DIAPH2: variants seen among roughly 807,000 people sequenced by gnomAD.
DIAPH2 encodes diaphanous related formin 2.
A neutral mutation model predicts 92.7 loss-of-function variants in DIAPH2; 35 were observed. The observed-to-expected ratio is 0.38, with a 90% CI of 0.29 to 0.50. The LOEUF (loss-of-function observed/expected upper bound fraction) is 0.50, where lower values mean the gene tolerates loss of function less well. Among genes scored for constraint, DIAPH2 ranks in the 20% least tolerant of loss-of-function variants. The pLI, the probability that DIAPH2 is intolerant of heterozygous loss-of-function variation, is 0.94. For missense variants in DIAPH2, 701 were observed against 819.5 expected (o/e 0.86, Z 1.77); for synonymous variants, 301 against 280.4 (o/e 1.07, Z -0.73).
chrX:97,327,263 T>C (rs191751641), intron 23 of DIAPH2, among the ~76,000 whole-genome samples: 2 of 109,251 alleles, frequency 1.8e-5, no homozygotes, highest in Non-Finnish European at 3.8e-5. Context: ...CCCGCCCGGC[T>C]AATTTTTGTA....
chrX:97,100,128 A>G (rs1444101895), intron 20 of DIAPH2, among the ~76,000 whole-genome samples: 1 of 110,769 alleles, frequency 9.0e-6, no homozygotes, highest in Non-Finnish European at 1.9e-5. Context: ...TTAGATCTTA[A>G]TGTTAGAATT....
chrX:97,186,816 A>T (rs936157737), intron 22 of DIAPH2, among the ~76,000 whole-genome samples: 1 of 111,920 alleles, frequency 8.9e-6, no homozygotes, highest in African/African-American at 3.2e-5. Flanking sequence ...ACCTATGGAA[A>T]GTGAGGGGCT....
At chrX:97,561,081 A>G (rs1485615777) in intron 26 of DIAPH2, among the ~76,000 whole-genome samples, 1 of 111,729 alleles carries the variant, frequency 9.0e-6, no homozygotes, top group Non-Finnish European at 1.9e-5. Flanking sequence ...TTGTTATTGG[A>G]TATCGCTTTG....
At chrX:96,884,985 T>A in intron 5 of DIAPH2, 1 of 1,211,204 alleles carries the variant, frequency 8.3e-7, no homozygotes, top group Non-Finnish European at 1.1e-6. Context: ...AGCTCCGGGC[T>A]CAGCTCTGCG....
intron 22 of DIAPH2, among the ~76,000 whole-genome samples, chrX:97,190,233 C>T (rs776701830): frequency 2.7e-5 from 3 of 112,384 alleles, no homozygotes; most frequent in South Asian, 7.3e-4. Context: ...GTGTGCATTC[C>T]TTGAATGATA....
chrX:97,099,330 C>T (rs1003432676), intron 19 of DIAPH2, among the ~76,000 whole-genome samples: 1 of 109,502 alleles, frequency 9.1e-6, no homozygotes, highest in African/African-American at 3.3e-5. Context: ...CGCGCCACTG[C>T]ACTCCAGCCA....
chrX:97,318,588 G>A (rs1447903004), intron 23 of DIAPH2, among the ~76,000 whole-genome samples: 1 of 98,769 alleles, frequency 1.0e-5, no homozygotes, highest in Admixed American at 1.1e-4. Context: ...TGCCTCCCGG[G>A]TTCAAGCTAT....
chrX:97,433,386 T>A (rs914855417), intron 26 of DIAPH2, among the ~76,000 whole-genome samples: 2 of 110,518 alleles, frequency 1.8e-5, no homozygotes, highest in Admixed American at 1.9e-4. Flanking sequence ...CATGGTGGCA[T>A]GTGCCTGTAG....
chrX:97,526,155 G>A (rs1194828112), intron 26 of DIAPH2, among the ~76,000 whole-genome samples: 1 of 110,809 alleles, frequency 9.0e-6, no homozygotes, highest in Non-Finnish European at 1.9e-5. Flanking sequence ...GTGGAGTCTT[G>A]TCAGACGTGT....
intron 26 of DIAPH2, among the ~76,000 whole-genome samples, chrX:97,465,102 C>T (rs1300693249): frequency 5.4e-5 from 6 of 111,480 alleles, no homozygotes; most frequent in Non-Finnish European, 9.4e-5. Flanking sequence ...CCTCCTCGGC[C>T]TCCCAAAGTG....
At chrX:96,961,658 T>C (rs2065849626) in intron 16 of DIAPH2, among the ~76,000 whole-genome samples, 1 of 110,237 alleles carries the variant, frequency 9.1e-6, no homozygotes, top group Non-Finnish European at 1.9e-5. Context: ...TTCGAAGTAG[T>C]TGTTTATTGC....
chrX:97,447,173 C>CT (rs941848992), intron 26 of DIAPH2, among the ~76,000 whole-genome samples: 9 of 107,817 alleles, frequency 8.3e-5, no homozygotes, highest in Admixed American at 1.0e-4. Flanking sequence ...TTTTCTTTTT[C>CT]TTTTTTTTTT....
intron 24 of DIAPH2, among the ~76,000 whole-genome samples, chrX:97,376,194 T>G (rs187716354): frequency 1.1e-4 from 12 of 111,658 alleles, no homozygotes; most frequent in Admixed American, 7.6e-4. Context: ...TGTTGAAACT[T>G]GAGTAAAATG....
At chrX:97,254,483 ACT>A (rs2068218437) in intron 23 of DIAPH2, among the ~76,000 whole-genome samples, 1 of 92,896 alleles carries the variant, frequency 1.1e-5, no homozygotes, top group Non-Finnish European at 2.1e-5. Context: ...CAAGAGCAAA[ACT>A]CTGTCTCAAA....
chrX:97,185,377 A>ATGTG (rs2067579375), intron 22 of DIAPH2, among the ~76,000 whole-genome samples: 1 of 46,417 alleles, frequency 2.2e-5, no homozygotes, highest in African/African-American at 1.6e-4. Context: ...ATGTATATAT[A>ATGTG]TATGTATATA....
In DIAPH2 at chrX:96,773,244, C is replaced by A. The variant is rs564250044; in HGVS notation, c.447+14986C>A. 2.5e-4 allele frequency among the ~76,000 whole-genome samples: 22 copies of A among 86,497 alleles called. No homozygotes were observed. In the South Asian group the frequency reaches 0.014, roughly 55 times the overall value. The allele number at this position is 86,497 out of a possible 115,157, so 75.1% of individuals were successfully genotyped here. ...GTTACCGGCTGAATTGTTTCCCCCC[C>A]CCTCCCGCCCTCCCCAAATTTGTAT... On this transcript the variant is annotated intron_variant, in intron 4 of 26. Transcript: ENST00000324765.
intron 22 of DIAPH2, among the ~76,000 whole-genome samples, chrX:97,199,225 A>ATGTG (rs754774694): frequency 1.8e-4 from 10 of 54,299 alleles, no homozygotes; most frequent in Admixed American, 1.1e-3. Context: ...TAACATATGT[A>ATGTG]TATGTGTGTG....
intron 24 of DIAPH2, among the ~76,000 whole-genome samples, chrX:97,362,685 C>T (rs1045370546): frequency 5.4e-5 from 6 of 112,139 alleles, no homozygotes; most frequent in African/African-American, 1.9e-4. Flanking sequence ...TTTCAGTAAA[C>T]TAAAACAGAT....
chrX:97,229,963 A>G (rs1451058619), intron 22 of DIAPH2, among the ~76,000 whole-genome samples: 1 of 108,522 alleles, frequency 9.2e-6, no homozygotes, highest in East Asian at 2.8e-4. Context: ...AGAGCAATGC[A>G]TTAAGACAGG....
Sources: allele counts gnomAD v4.1 joint callset (sites outside exome capture counted in the v4.1 genomes callset), GRCh38; gene constraint gnomAD v4.1.1; transcripts MANE v1.5; gene names NCBI Gene and HGNC (gene_info 2026-07-23, HGNC 2026-07-21).